ALK: variants seen among roughly 807,000 people sequenced by gnomAD.
The protein encoded by ALK is ALK tyrosine kinase receptor.
In ALK, 74 loss-of-function variants were observed where a neutral mutation model predicts 163.1. The observed-to-expected ratio is 0.45, with a 90% CI of 0.38 to 0.55. The LOEUF is 0.55. Ranked by LOEUF, ALK falls within the 20% of genes least tolerant of loss-of-function variation. The probability of loss-of-function intolerance (pLI) is 0.00; values close to 1 mark genes in which losing one functional copy is unlikely to be tolerated. For missense variants in ALK, 2,063 were observed against 2,105.3 expected (o/e 0.98, Z 0.39); for synonymous variants, 960 against 843.2 (o/e 1.14, Z -2.40).
At chr2:29,216,898 G>A (rs1295004507) in intron 23 of ALK, among the ~76,000 whole-genome samples, 1 of 147,796 alleles carries the variant, frequency 6.8e-6, no homozygotes. Context: ...GATTGGTTGT[G>A]AGTATATGTG....
chr2:29,246,965 C>T lies in ALK; in HGVS notation c.2204+4140G>A, dbSNP rs1004550778. On this transcript the variant is annotated intron_variant, in intron 12 of 28. Transcript: ENST00000389048. This position sits in a 1 kb window ranked among gnomAD's most constrained non-coding sequence, Gnocchi z 4.3. Reference sequence around the variant, plus strand: ...TCGGCTCCCCGAGGCCAGCCTTGCCCGACTTCTCATCGGCAGTACCGACTT... The same window carrying T: ...TCGGCTCCCCGAGGCCAGCCTTGCCTGACTTCTCATCGGCAGTACCGACTT... 5.9e-5 allele frequency among the ~76,000 whole-genome samples: 9 copies of T among 152,324 alleles called. No homozygotes were observed. The highest frequency in any genetic ancestry group is 4.1e-4 in the South Asian group (2 of 4,828).
At chr2:29,559,768 CGTGTGTGT>C (rs56285031) in intron 3 of ALK, among the ~76,000 whole-genome samples, 8 of 143,028 alleles carry the variant, frequency 5.6e-5, no homozygotes, top group South Asian at 2.4e-4. Context: ...GGAGCATGTA[CGTGTGTGT>C]GTGTGTGTGT....
chr2:29,835,681 C>A (rs1665540274), intron 1 of ALK, among the ~76,000 whole-genome samples: 1 of 152,128 alleles, frequency 6.6e-6, no homozygotes, highest in African/African-American at 2.4e-5. Context: ...ATGGGAGGGA[C>A]CTGATGGGAC....
intron 3 of ALK, among the ~76,000 whole-genome samples, chr2:29,677,433 T>C (rs761703222): frequency 4.6e-5 from 7 of 151,986 alleles, no homozygotes; most frequent in Non-Finnish European, 7.4e-5. Context: ...ACAGGTGCTC[T>C]TTATTAGGTT....
rs2148258156 is a variant in ALK at position 29,328,332 on chromosome 2, G to C, written c.1414+18C>G. The C allele has an allele frequency of 1.2e-6, 2 of 1,614,054 alleles. No individual in the cohort carries two copies. Among genetic ancestry groups the C allele is most frequent in the Non-Finnish European group, 1.7e-6 (2 of 1,179,938 alleles). On this transcript the variant is annotated intron_variant, in intron 6 of 28. Coordinates refer to ENST00000389048, the MANE Select transcript of ALK (RefSeq NM_004304.5). ...ATGGGCTGGGCTCAGGCAGGGTGGGGCAGCCCCATCTACTCACGGCACATC... is the reference window on the plus strand; with the variant it reads ...ATGGGCTGGGCTCAGGCAGGGTGGGCCAGCCCCATCTACTCACGGCACATC...
At chr2:29,815,267 G>T (rs561875090) in intron 1 of ALK, among the ~76,000 whole-genome samples, 1 of 151,902 alleles carries the variant, frequency 6.6e-6, no homozygotes, top group Admixed American at 6.6e-5. Flanking sequence ...GAGGACAGCA[G>T]TCGAAGTTTG....
chr2:29,469,637 G>A (rs1671299074), intron 4 of ALK, among the ~76,000 whole-genome samples: 1 of 152,134 alleles, frequency 6.6e-6, no homozygotes. Flanking sequence ...CAAAGGGTTT[G>A]ACTTCTTCTT....
intron 1 of ALK, among the ~76,000 whole-genome samples, chr2:29,906,017 C>T (rs74638930): frequency 2.6e-3 from 394 of 152,232 alleles, no homozygotes; most frequent in Non-Finnish European, 4.0e-3. Context: ...CCATGCCTAC[C>T]GCTAAACTGC....
At chr2:29,786,605 G>A (rs895853594) in intron 1 of ALK, among the ~76,000 whole-genome samples, 14 of 152,190 alleles carry the variant, frequency 9.2e-5, no homozygotes, top group African/African-American at 3.4e-4. Context: ...TGTGCTGGGT[G>A]AGGCAAGGAA....
At position 29,692,547 on chromosome 2, in the gene ALK, C is replaced by A. The variant is rs1039903637; in HGVS notation, c.952+2303G>T. 3.3e-5 allele frequency among the ~76,000 whole-genome samples: 5 copies of A among 152,208 alleles called. No individual in the cohort carries two copies. The East Asian group carries it at 9.6e-4, about 29-fold the overall frequency. ...CTTGCATGCACAGTCTGTGTGTGTGCACAGTGCACAATACGATTCACGTTT... is the reference window on the plus strand; with the variant it reads ...CTTGCATGCACAGTCTGTGTGTGTGAACAGTGCACAATACGATTCACGTTT... On this transcript the variant is annotated intron_variant, in intron 3 of 28. Transcript: ENST00000389048.
chr2:29,432,853 G>A (rs1305524254), intron 4 of ALK, among the ~76,000 whole-genome samples: 1 of 151,778 alleles, frequency 6.6e-6, no homozygotes, highest in Non-Finnish European at 1.5e-5. Flanking sequence ...GCTCAGTGAA[G>A]TGGGGGTGAG....
At chr2:29,411,102 T>C (rs1169128265) in intron 4 of ALK, among the ~76,000 whole-genome samples, 1 of 152,272 alleles carries the variant, frequency 6.6e-6, no homozygotes, top group Non-Finnish European at 1.5e-5. Flanking sequence ...TTTGTATTAC[T>C]TTTTAAACTT....
At chr2:29,772,222 C>T (rs920585480) in intron 1 of ALK, among the ~76,000 whole-genome samples, 2 of 152,030 alleles carry the variant, frequency 1.3e-5, no homozygotes, top group African/African-American at 4.8e-5. Flanking sequence ...CACAGTGATA[C>T]AATCAGAGGA....
chr2:29,702,216 T>G (rs1279644321), intron 2 of ALK, among the ~76,000 whole-genome samples: 1 of 151,854 alleles, frequency 6.6e-6, no homozygotes, highest in Admixed American at 6.6e-5. Flanking sequence ...GAGGCTGTGC[T>G]GAAAAAAAAA....
chr2:29,543,533 C>T (rs749000255), intron 3 of ALK, among the ~76,000 whole-genome samples: 34 of 152,208 alleles, frequency 2.2e-4, no homozygotes, highest in Non-Finnish European at 2.9e-5. Flanking sequence ...GTTTTAGAGG[C>T]TTTTTCCTAG....
chr2:29,477,157 G>C (rs1671545885), intron 4 of ALK, among the ~76,000 whole-genome samples: 1 of 152,110 alleles, frequency 6.6e-6, no homozygotes, highest in Admixed American at 6.5e-5. Context: ...ACGTGAATAG[G>C]AGCCAAGAGA....
chr2:29,318,486 A>C, intron 7 of ALK, 82 bp from the exon 8 acceptor site: 1 of 947,358 alleles, frequency 1.1e-6, no homozygotes, highest in Non-Finnish European at 1.7e-6. Context: ...GACTGTGCAC[A>C]GTTCTTATCT....
At chr2:29,749,030 T>A (rs1217800325) in intron 1 of ALK, among the ~76,000 whole-genome samples, 1 of 152,182 alleles carries the variant, frequency 6.6e-6, no homozygotes, top group East Asian at 1.9e-4. Flanking sequence ...AACATATCTC[T>A]TGAATGATCA....
At chr2:29,778,523 G>A (rs914527348) in intron 1 of ALK, among the ~76,000 whole-genome samples, 8 of 152,178 alleles carry the variant, frequency 5.3e-5, no homozygotes, top group Admixed American at 1.3e-4. Context: ...TGCAGGCATC[G>A]TGTGTGTATG....
Sources: gnomAD v4.1 joint callset for allele counts (sites outside exome capture counted in the v4.1 genomes callset) on GRCh38, gnomAD v4.1.1 for gene constraint, Gnocchi (gnomAD v3.1) non-coding constraint, MANE v1.5 for transcripts, NCBI Gene and HGNC (gene_info 2026-07-23, HGNC 2026-07-21) for gene names.